The following CSMD1 variants were observed in gnomAD, a reference collection of about 807,000 sequenced individuals.
CSMD1 encodes CUB and Sushi multiple domains 1.
CSMD1 carries 213 observed loss-of-function variants against 417.5 expected under a neutral mutation model. That is an observed-to-expected ratio of 0.51 (90% confidence interval 0.46 to 0.57). CSMD1 has a LOEUF of 0.57. Ranked by LOEUF, CSMD1 falls within the 20% of genes least tolerant of loss-of-function variation. The probability of loss-of-function intolerance (pLI) is 0.00; values close to 1 mark genes in which losing one functional copy is unlikely to be tolerated. For synonymous variants in CSMD1, 2,862 were observed against 1,736.8 expected (o/e 1.65, Z -16.11); for missense variants, 6,923 against 4,529.7 (o/e 1.53, Z -15.17).
At chr8:3,943,668 G>C (rs1051275802) in intron 5 of CSMD1, among the ~76,000 whole-genome samples, 2 of 151,998 alleles carry the variant, frequency 1.3e-5, no homozygotes, top group Non-Finnish European at 2.9e-5. Flanking sequence ...GTCAACAGGG[G>C]TCCCCTGCTA....
At chr8:4,337,521 T>A (rs1006087524) in intron 3 of CSMD1, among the ~76,000 whole-genome samples, 4 of 152,144 alleles carry the variant, frequency 2.6e-5, no homozygotes, top group Non-Finnish European at 1.5e-5. Flanking sequence ...AATACTCAGA[T>A]CGTAACATTA....
At chr8:4,140,649 C>G (rs1803730884) in intron 3 of CSMD1, among the ~76,000 whole-genome samples, 2 of 150,848 alleles carry the variant, frequency 1.3e-5, no homozygotes, top group African/African-American at 5.0e-5. Flanking sequence ...GGCTGGGCAA[C>G]AGAGCAAGAC....
At chr8:3,238,399 C>T (rs781775733) in intron 26 of CSMD1, among the ~76,000 whole-genome samples, 5 of 151,904 alleles carry the variant, frequency 3.3e-5, no homozygotes, top group South Asian at 4.2e-4. Context: ...GGTTCAGAGG[C>T]CTGAAAGTCC....
intron 1 of CSMD1, among the ~76,000 whole-genome samples, chr8:4,830,474 C>A (rs1185523571): frequency 6.6e-6 from 1 of 152,136 alleles, no homozygotes; most frequent in African/African-American, 2.4e-5. Flanking sequence ...TGTCTTTTTG[C>A]TAGATTGTCA....
chr8:4,036,001 T>G (rs1797597157), intron 3 of CSMD1, among the ~76,000 whole-genome samples: 1 of 152,166 alleles, frequency 6.6e-6, no homozygotes, highest in Non-Finnish European at 1.5e-5. Context: ...TAATGCTGTT[T>G]TATTACTGTA....
intron 12 of CSMD1, among the ~76,000 whole-genome samples, chr8:3,453,585 G>T (rs1252258657): frequency 6.6e-6 from 1 of 152,162 alleles, no homozygotes; most frequent in Admixed American, 6.5e-5. Context: ...TAGTCATTGA[G>T]GAGCAGGTTG....
At chr8:3,534,200 T>G (rs899940887) in intron 10 of CSMD1, among the ~76,000 whole-genome samples, 1 of 152,194 alleles carries the variant, frequency 6.6e-6, no homozygotes, top group Non-Finnish European at 1.5e-5. Context: ...TACTCACTCC[T>G]GCAATGCCAC....
intron 3 of CSMD1, among the ~76,000 whole-genome samples, chr8:4,353,498 A>T (rs2128902722): frequency 6.6e-6 from 1 of 152,156 alleles, no homozygotes; most frequent in East Asian, 1.9e-4. Context: ...AAATTGGTCA[A>T]ATGAATCCAC....
Position 3,506,889 on chromosome 8 carries a change from G to A in CSMD1, c.1345-13163C>T, listed in dbSNP as rs185551154. ...AAGTGTAATGACACTATTTGATGTC[G>A]GATAATTTGAAAATAAATATTGGCA... is the stretch of plus-strand genomic sequence containing the variant. On this transcript the variant is annotated intron_variant, in intron 10 of 69. Transcript: ENST00000635120. Among the ~76,000 whole-genome samples, 414 of 152,116 alleles carry A rather than the reference G, an allele frequency of 2.7e-3. 1 individual carries two copies. The highest frequency in any genetic ancestry group is 9.1e-3 in the African/African-American group (379 of 41,486).
intron 12 of CSMD1, among the ~76,000 whole-genome samples, chr8:3,456,827 C>A (rs1478175812): frequency 6.6e-6 from 1 of 152,126 alleles, no homozygotes; most frequent in Non-Finnish European, 1.5e-5. Context: ...GTATTCAGAA[C>A]AAACTGGATG....
chr8:4,901,115 G>C (rs143141331), intron 1 of CSMD1, among the ~76,000 whole-genome samples: 1 of 152,206 alleles, frequency 6.6e-6, no homozygotes, highest in Admixed American at 6.5e-5. Flanking sequence ...ACCCTCGTCA[G>C]TATTACACAG....
At chr8:4,547,216 T>G (rs17344217) in intron 2 of CSMD1, among the ~76,000 whole-genome samples, 46,733 of 152,106 alleles carry the variant, frequency 0.31, 7,345 homozygotes, top group Non-Finnish European at 0.34. Flanking sequence ...CCAGCAAGCC[T>G]GGGTTCTGCC....
intron 1 of CSMD1, among the ~76,000 whole-genome samples, chr8:4,698,116 C>G (rs966472654): frequency 6.9e-6 from 1 of 144,844 alleles, no homozygotes; most frequent in African/African-American, 2.6e-5. Context: ...TCTGTGAACA[C>G]TTTTGCTTTG....
At chr8:2,959,082 C>CTTGA (rs1210206914) in intron 62 of CSMD1, among the ~76,000 whole-genome samples, 1 of 152,152 alleles carries the variant, frequency 6.6e-6, no homozygotes, top group Non-Finnish European at 1.5e-5. Flanking sequence ...CTCATTTACT[C>CTTGA]TTGATTGATT....
At chr8:3,339,392 A>T (rs1189200617) in intron 23 of CSMD1, among the ~76,000 whole-genome samples, 2 of 152,094 alleles carry the variant, frequency 1.3e-5, no homozygotes, top group African/African-American at 2.4e-5. Context: ...AGCCAAGGGT[A>T]GGGGGGTTGC....
intron 37 of CSMD1, among the ~76,000 whole-genome samples, chr8:3,178,992 G>A (rs1028136399): frequency 1.4e-5 from 2 of 147,430 alleles, no homozygotes; most frequent in Admixed American, 6.9e-5. Flanking sequence ...CTGTCACCCA[G>A]GCTGGAGTGC....
chr8:3,195,603 T>C (rs1169694532), intron 33 of CSMD1, among the ~76,000 whole-genome samples: 1 of 152,108 alleles, frequency 6.6e-6, no homozygotes, highest in Non-Finnish European at 1.5e-5. Flanking sequence ...CCTAAACCTG[T>C]ATAACCACGG....
intron 5 of CSMD1, among the ~76,000 whole-genome samples, chr8:3,886,538 G>C (rs534478711): frequency 2.0e-5 from 3 of 152,328 alleles, no homozygotes; most frequent in Admixed American, 6.5e-5. Flanking sequence ...GCAGGCCATG[G>C]ACAGCACTTT....
At chr8:4,706,712 A>C (rs1346745515) in intron 1 of CSMD1, among the ~76,000 whole-genome samples, 1 of 152,184 alleles carries the variant, frequency 6.6e-6, no homozygotes, top group Non-Finnish European at 1.5e-5. Flanking sequence ...CCAAAAAACA[A>C]AAGACAGAGA....
Sources: gnomAD v4.1 joint callset for allele counts (sites outside exome capture counted in the v4.1 genomes callset) on GRCh38, gnomAD v4.1.1 for gene constraint, MANE v1.5 for transcripts, NCBI Gene and HGNC (gene_info 2026-07-23, HGNC 2026-07-21) for gene names.